Variants in TRPM3 observed in about 807,000 individuals in gnomAD.
The protein encoded by TRPM3 is long transient receptor potential channel 3.
A neutral mutation model predicts 181.2 loss-of-function variants in TRPM3; 77 were observed. The ratio of observed to expected loss-of-function variants is 0.42; its 90% CI spans 0.35 to 0.51. The LOEUF (loss-of-function observed/expected upper bound fraction) is 0.51, where lower values mean the gene tolerates loss of function less well. Ranked by LOEUF, TRPM3 falls within the 20% of genes least tolerant of loss-of-function variation. The pLI, the probability that TRPM3 is intolerant of heterozygous loss-of-function variation, is 0.01. For synonymous variants in TRPM3, 745 were observed against 796.4 expected (o/e 0.94, Z 1.09); for missense variants, 1,759 against 2,196.7 (o/e 0.80, Z 3.98).
intron 1 of TRPM3, among the ~76,000 whole-genome samples, chr9:71,103,788 A>G (rs993007575): frequency 6.6e-6 from 1 of 152,158 alleles, no homozygotes; most frequent in African/African-American, 2.4e-5. Context: ...TACCTGGAAC[A>G]TTTTTTTGAA....
At position 71,089,145 on chromosome 9, in the gene TRPM3, A is replaced by C. The variant is rs945315813; in HGVS notation, c.177+32033T>G. Among the ~76,000 whole-genome samples the C allele has an allele frequency of 2.7e-5, 4 of 147,326 alleles. No individual in the cohort carries two copies. The Admixed American group carries it at 2.7e-4, about 10-fold the overall frequency. ...TATATATCATATATATTATATATGA[A>C]TATATATTTTATATCATATATGAAT... On this transcript the variant is annotated intron_variant, in intron 1 of 25. Transcript: ENST00000677713.
chr9:70,777,775 C>T lies in TRPM3; in HGVS notation c.1148+6330G>A, dbSNP rs563202426. On this transcript the variant is annotated intron_variant, in intron 7 of 25. Transcript: ENST00000677713. ...AAAGTTATACTACTTTTCATAGCAC[C>T]CATAGTACCTAAAACAAGCATTCAA... is the stretch of plus-strand genomic sequence containing the variant. 2.6e-5 allele frequency among the ~76,000 whole-genome samples: 4 copies of T among 152,036 alleles called. No individual in the cohort carries two copies. In the East Asian group the frequency reaches 7.7e-4, roughly 29 times the overall value.
Position 71,001,882 on chromosome 9 carries a change from G to A in TRPM3, c.177+119296C>T, listed in dbSNP as rs181026560. On this transcript the variant is annotated intron_variant, in intron 1 of 25. Transcript: ENST00000677713. ...CAGATGCAAATGTGAAAGATATAGA[G>A]GCTACACAAAATAGTTTTATATAAC... 9.9e-5 allele frequency among the ~76,000 whole-genome samples: 15 copies of A among 152,274 alleles called. No homozygotes were observed. The East Asian group carries it at 1.3e-3, about 14-fold the overall frequency.
chr9:70,695,985 A>G (rs2070279083), intron 8 of TRPM3, among the ~76,000 whole-genome samples: 1 of 152,216 alleles, frequency 6.6e-6, no homozygotes, highest in Non-Finnish European at 1.5e-5. Context: ...GCTCAAGGGC[A>G]GGTACAGCTA....
At chr9:70,783,994 A>G in intron 7 of TRPM3, 111 bp downstream of exon 7, 1 of 1,489,024 alleles carries the variant, frequency 6.7e-7, no homozygotes, top group Non-Finnish European at 8.9e-7. Context: ...ATTTGTTCAT[A>G]GCTTGTTTTG....
intron 12 of TRPM3, among the ~76,000 whole-genome samples, chr9:70,630,086 G>A (rs879817921): frequency 8.5e-5 from 13 of 152,102 alleles, no homozygotes; most frequent in Non-Finnish European, 1.9e-4. Context: ...TCCTAGGATG[G>A]GTATTGCCAG....
At chr9:70,947,763 G>T (rs528391038) in intron 1 of TRPM3, among the ~76,000 whole-genome samples, 9 of 152,206 alleles carry the variant, frequency 5.9e-5, no homozygotes, top group African/African-American at 1.9e-4. Context: ...GGGAAAGAAG[G>T]TTGGACTTAC....
At chr9:71,336,822 TG>T (rs1665893773) in intron 1 of TRPM3, among the ~76,000 whole-genome samples, 1 of 152,152 alleles carries the variant, frequency 6.6e-6, no homozygotes, top group African/African-American at 2.4e-5. Context: ...ATCTGATCTT[TG>T]ACAAACCTGA....
intron 1 of TRPM3, among the ~76,000 whole-genome samples, chr9:71,341,997 A>C (rs1240259601): frequency 6.6e-6 from 1 of 151,812 alleles, no homozygotes; most frequent in Non-Finnish European, 1.5e-5. Context: ...AGACAGGAAC[A>C]ATCTATTTAA....
chr9:71,344,826 T>C (rs1242094023), intron 1 of TRPM3, among the ~76,000 whole-genome samples: 1 of 152,150 alleles, frequency 6.6e-6, no homozygotes, highest in Non-Finnish European at 1.5e-5. Context: ...GTTCACAATA[T>C]ATCTGACAAA....
intron 1 of TRPM3, among the ~76,000 whole-genome samples, chr9:71,222,007 A>G (rs2080272779): frequency 6.6e-6 from 1 of 152,224 alleles, no homozygotes; most frequent in African/African-American, 2.4e-5. Context: ...CTGCCCTTAA[A>G]GAATCACTAG....
chr9:70,820,342 A>G (rs935111432), intron 6 of TRPM3, among the ~76,000 whole-genome samples: 40 of 152,242 alleles, frequency 2.6e-4, no homozygotes, highest in African/African-American at 9.1e-4. Flanking sequence ...CTTCTCTTTA[A>G]CAAGCAGAGC....
intron 20 of TRPM3, among the ~76,000 whole-genome samples, chr9:70,599,664 C>G (rs1428401478): frequency 1.3e-5 from 2 of 152,176 alleles, no homozygotes; most frequent in Non-Finnish European, 2.9e-5. Flanking sequence ...TTTGGCTCCT[C>G]TTCATCTTCA....
At chr9:70,675,155 C>T (rs1334670245) in intron 9 of TRPM3, among the ~76,000 whole-genome samples, 1 of 152,082 alleles carries the variant, frequency 6.6e-6, no homozygotes, top group Non-Finnish European at 1.5e-5. Flanking sequence ...ATCTGGAGTG[C>T]AATGGCATGA....
At chr9:71,254,541 A>AT (rs2082556206) in intron 1 of TRPM3, among the ~76,000 whole-genome samples, 1 of 152,210 alleles carries the variant, frequency 6.6e-6, no homozygotes, top group Non-Finnish European at 1.5e-5. Flanking sequence ...AACTAGCTCA[A>AT]ATTAGCCATT....
intron 25 of TRPM3, among the ~76,000 whole-genome samples, chr9:70,539,555 C>A (rs2042727308): frequency 6.6e-6 from 1 of 151,872 alleles, no homozygotes; most frequent in Non-Finnish European, 1.5e-5. Context: ...CTGCCACCAT[C>A]CCCAGGTGTA....
At chr9:71,104,069 C>T (rs1173124069) in intron 1 of TRPM3, among the ~76,000 whole-genome samples, 1 of 152,094 alleles carries the variant, frequency 6.6e-6, no homozygotes, top group Non-Finnish European at 1.5e-5. Context: ...AGCGTGCCAC[C>T]ATGCCCATCT....
At chr9:70,667,874 C>A (rs900429825) in intron 9 of TRPM3, among the ~76,000 whole-genome samples, 1 of 152,172 alleles carries the variant, frequency 6.6e-6, no homozygotes, top group African/African-American at 2.4e-5. Context: ...ACTCACATGG[C>A]CCCAACTTCT....
chr9:70,985,406 A>T (rs2097408899), intron 1 of TRPM3, among the ~76,000 whole-genome samples: 1 of 152,158 alleles, frequency 6.6e-6, no homozygotes, highest in African/African-American at 2.4e-5. Flanking sequence ...GGCCAACAAA[A>T]TTCTAGAGAA....
Sources: gnomAD v4.1 joint callset for allele counts (sites outside exome capture counted in the v4.1 genomes callset) on GRCh38, gnomAD v4.1.1 for gene constraint, MANE v1.5 for transcripts, NCBI Gene and HGNC (gene_info 2026-07-23, HGNC 2026-07-21) for gene names.